The following HDAC1 variants were observed in gnomAD, a reference collection of about 807,000 sequenced individuals.
HDAC1 encodes protein deacetylase HDAC1.
A neutral mutation model predicts 65.5 loss-of-function variants in HDAC1; 18 were observed. The observed-to-expected ratio is 0.27, with a 90% CI of 0.19 to 0.41. The LOEUF (loss-of-function observed/expected upper bound fraction) is 0.41. Ranked by LOEUF, HDAC1 falls within the 10% of genes least tolerant of loss-of-function variation. The pLI is 1.00. For synonymous variants in HDAC1, 211 were observed against 227.9 expected, an observed-to-expected ratio of 0.93 and a Z score of 0.67; for missense variants, 373 against 625.2, an observed-to-expected ratio of 0.60 and a Z score of 4.30.
chr1:32,305,070 A>C lies in HDAC1; in HGVS notation c.162+2337A>C, dbSNP rs544576531. Among the ~76,000 whole-genome samples, 5 of 152,290 alleles carry C rather than the reference A, an allele frequency of 3.3e-5. No individual in the cohort carries two copies. The South Asian group carries it at 1.0e-3, about 32-fold the overall frequency. ...TTTTACCTGCAGTTCCAAGCACAGTATGTTTTAGTTTTACATGTTTGATTG... is the reference window on the plus strand; with the variant it reads ...TTTTACCTGCAGTTCCAAGCACAGTCTGTTTTAGTTTTACATGTTTGATTG... On this transcript the variant is annotated intron_variant, in intron 2 of 13. Coordinates refer to ENST00000373548, the MANE Select transcript of HDAC1 (RefSeq NM_004964.3).
intron 1 of HDAC1, among the ~76,000 whole-genome samples, chr1:32,295,629 T>C (rs1436267630): frequency 6.6e-6 from 1 of 152,146 alleles, no homozygotes; most frequent in Non-Finnish European, 1.5e-5. Context: ...GTGAGGATGG[T>C]AGAGCCCTTG....
intron 3 of HDAC1, 77 bp downstream of exon 3, chr1:32,316,859 G>A (rs989061794): frequency 3.2e-5 from 28 of 882,436 alleles, no homozygotes; most frequent in Non-Finnish European, 4.6e-5. Context: ...CCATTCTGCC[G>A]TCCTCGCACC....
chr1:32,292,353 G>A, intron 1 of HDAC1, 135 bp downstream of exon 1: 1 of 1,502,062 alleles, frequency 6.7e-7, no homozygotes, highest in Non-Finnish European at 8.9e-7. Context: ...AGGCTGCGAG[G>A]GGGAAGTCGA....
chr1:32,328,024 C>A (rs1330114253), intron 6 of HDAC1, among the ~76,000 whole-genome samples: 1 of 152,144 alleles, frequency 6.6e-6, no homozygotes, highest in Admixed American at 6.5e-5. Flanking sequence ...GTTTTTGGGT[C>A]ACTTTCCCCT....
intron 2 of HDAC1, among the ~76,000 whole-genome samples, chr1:32,306,276 C>G (rs566212294): frequency 1.3e-5 from 2 of 150,996 alleles, no homozygotes; most frequent in African/African-American, 4.9e-5. Flanking sequence ...CTGCAATCTC[C>G]GCCTCCCTAG....
intron 3 of HDAC1, among the ~76,000 whole-genome samples, chr1:32,321,851 GC>G (rs1219976475): frequency 2.0e-5 from 3 of 152,114 alleles, no homozygotes; most frequent in African/African-American, 7.2e-5. Context: ...GGAGGAAGTG[GC>G]CAGAGAGGGA....
intron 1 of HDAC1, among the ~76,000 whole-genome samples, chr1:32,292,634 C>A (rs941686955): frequency 1.3e-5 from 2 of 152,066 alleles, no homozygotes; most frequent in Admixed American, 1.3e-4. Flanking sequence ...TCCTGCACGA[C>A]TGGTTGCCCG....
At chr1:32,315,236 G>T (rs1048574595) in intron 2 of HDAC1, among the ~76,000 whole-genome samples, 1 of 152,228 alleles carries the variant, frequency 6.6e-6, no homozygotes, top group East Asian at 1.9e-4. Flanking sequence ...TTGTTGATGT[G>T]ATGACTTATA....
chr1:32,302,825 A>G, intron 2 of HDAC1, 92 bp downstream of exon 2: 2 of 720,420 alleles, frequency 2.8e-6, no homozygotes, highest in East Asian at 2.6e-5. Context: ...CCACTCATTC[A>G]CTCATTCATC....
At chr1:32,328,004 T>C (rs895592316) in intron 6 of HDAC1, among the ~76,000 whole-genome samples, 4 of 152,170 alleles carry the variant, frequency 2.6e-5, no homozygotes, top group Non-Finnish European at 5.9e-5. Context: ...ACATCTCAAG[T>C]GTTCTTCATG....
intron 2 of HDAC1, among the ~76,000 whole-genome samples, chr1:32,304,885 A>G (rs909811513): frequency 6.6e-6 from 1 of 151,972 alleles, no homozygotes; most frequent in Admixed American, 6.6e-5. Flanking sequence ...ATTCAGAAAA[A>G]TTTTTTTGTA....
chr1:32,302,634 T>C lies in HDAC1; in HGVS notation c.63T>C (p.Asn21=), dbSNP rs1041231506. ...TCTCTTCTTCAGGGGATGTTGGAAA[T>C]TACTATTATGGACAAGGCCACCCAA... The part of the protein sequence containing the change: ...VCYYYDGDVG[N]YYYGQGHPMK... The change falls in exon 2 of 14, where the codon AAT becomes AAC. Residue 21 remains asparagine, a synonymous_variant. Coordinates refer to ENST00000373548, the MANE Select transcript of HDAC1 (RefSeq NM_004964.3). 1.0e-5 allele frequency: 16 copies of C among 1,568,212 alleles called. No homozygotes were observed. Among genetic ancestry groups the C allele is most frequent in the African/African-American group, 1.4e-5 (1 of 73,994 alleles).
At chr1:32,296,442 A>G (rs1218274287) in intron 1 of HDAC1, among the ~76,000 whole-genome samples, 2 of 152,104 alleles carry the variant, frequency 1.3e-5, no homozygotes, top group Admixed American at 1.3e-4. Context: ...CTGGCTCACT[A>G]CCACCTCTGC....
intron 2 of HDAC1, among the ~76,000 whole-genome samples, chr1:32,314,774 C>T (rs566781220): frequency 6.8e-6 from 1 of 146,152 alleles, no homozygotes; most frequent in Admixed American, 7.0e-5. Context: ...TGCAGTGAGC[C>T]GAGATCGCGC....
intron 1 of HDAC1, among the ~76,000 whole-genome samples, chr1:32,294,998 T>G (rs1416222953): frequency 6.6e-6 from 1 of 152,072 alleles, no homozygotes; most frequent in Non-Finnish European, 1.5e-5. Context: ...GAAATAACTA[T>G]TGATAACTGT....
chr1:32,329,008 A>C lies in HDAC1; in HGVS notation c.637-60A>C. On this transcript the variant is annotated intron_variant, in intron 6 of 13. Transcript: ENST00000373548. The surrounding 1 kb of genome is among the most constrained non-coding windows in gnomAD (Gnocchi z 4.1). Reference sequence around the variant, plus strand: ...CTCTTCCTTTATCCCTCCAGCCCCTATCCTTGACCTTCCTTCAAGCTTCAT... The same window carrying C: ...CTCTTCCTTTATCCCTCCAGCCCCTCTCCTTGACCTTCCTTCAAGCTTCAT... 9.8e-7 allele frequency: 1 copy of C among 1,019,646 alleles called. No individual in the cohort carries two copies. The highest frequency in any genetic ancestry group is 1.6e-6 in the Non-Finnish European group (1 of 638,506). The allele number at this position is 1,019,646 out of a possible 1,614,324, so 63.2% of individuals were successfully genotyped here. A position where few individuals can be genotyped will look rare whatever the true frequency, so the allele number is the denominator to read the frequency against.
chr1:32,317,240 A>G (rs1033219496), intron 3 of HDAC1, among the ~76,000 whole-genome samples: 8 of 152,306 alleles, frequency 5.3e-5, no homozygotes, highest in Admixed American at 1.3e-4. Flanking sequence ...GACAGATTCT[A>G]GATGGTGTAA....
intron 2 of HDAC1, among the ~76,000 whole-genome samples, chr1:32,311,422 G>A (rs145830888): frequency 9.2e-5 from 14 of 152,114 alleles, no homozygotes; most frequent in East Asian, 1.9e-4. Flanking sequence ...AGCCGAGATC[G>A]TGCCATTACA....
chr1:32,298,286 C>T (rs1391869418), intron 1 of HDAC1, among the ~76,000 whole-genome samples: 2 of 151,296 alleles, frequency 1.3e-5, no homozygotes, highest in African/African-American at 4.9e-5. Context: ...CGGGGTTTCT[C>T]CATGTTGGTC....
Sources: gnomAD v4.1 joint callset for allele counts (sites outside exome capture counted in the v4.1 genomes callset) on GRCh38, gnomAD v4.1.1 for gene constraint, Gnocchi (gnomAD v3.1) non-coding constraint, MANE v1.5 for transcripts, NCBI Gene and HGNC (gene_info 2026-07-23, HGNC 2026-07-21) for gene names.